Variants in BICC1 observed in about 807,000 individuals in gnomAD.
BICC1 encodes BicC family RNA binding protein 1, also known as protein bicaudal C homolog 1.
BICC1 carries 43 observed loss-of-function variants against 111.0 expected under a neutral mutation model. The observed-to-expected ratio is 0.39, with a 90% CI of 0.30 to 0.50. The LOEUF (loss-of-function observed/expected upper bound fraction) is 0.50, where lower values mean the gene tolerates loss of function less well. BICC1 is among the 20% of genes least tolerant of loss of function. The pLI is 0.88. For missense variants in BICC1, 1,091 were observed against 1,203.2 expected, an observed-to-expected ratio of 0.91 and a Z score of 1.38; for synonymous variants, 467 against 434.4, an observed-to-expected ratio of 1.07 and a Z score of -0.93.
At chr10:58,549,046 A>C (rs916128959) in intron 1 of BICC1, among the ~76,000 whole-genome samples, 1 of 151,840 alleles carries the variant, frequency 6.6e-6, no homozygotes, top group South Asian at 2.1e-4. Flanking sequence ...GGGTTTTGCC[A>C]TGTTGCTCAG....
chr10:58,771,389 G>A (rs934745796), intron 3 of BICC1, among the ~76,000 whole-genome samples: 5 of 152,168 alleles, frequency 3.3e-5, no homozygotes, highest in African/African-American at 1.2e-4. Context: ...TGTTTTGTGA[G>A]GGGTATAAAA....
chr10:58,724,038 C>G (rs1226769283), intron 3 of BICC1, among the ~76,000 whole-genome samples: 1 of 152,042 alleles, frequency 6.6e-6, no homozygotes, highest in Non-Finnish European at 1.5e-5. Context: ...GACTTTAAGA[C>G]TTTGAGCAGC....
intron 10 of BICC1, among the ~76,000 whole-genome samples, chr10:58,797,986 A>G (rs1367634417): frequency 6.6e-6 from 1 of 152,218 alleles, no homozygotes; most frequent in Non-Finnish European, 1.5e-5. Flanking sequence ...AGCATTCCCT[A>G]GTCGCTGCTA....
At chr10:58,820,591 C>T in intron 20 of BICC1, 123 bp downstream of exon 20, 1 of 664,302 alleles carries the variant, frequency 1.5e-6, no homozygotes. Context: ...GTTGTGGTTT[C>T]AGAGGGTTTT....
At chr10:58,517,336 G>T (rs1453630398) in intron 1 of BICC1, among the ~76,000 whole-genome samples, 1 of 152,168 alleles carries the variant, frequency 6.6e-6, no homozygotes, top group East Asian at 1.9e-4. Context: ...GCTCGGTTGA[G>T]TAGCAGAGTT....
intron 15 of BICC1, among the ~76,000 whole-genome samples, chr10:58,804,748 G>C (rs935257702): frequency 9.9e-5 from 15 of 152,002 alleles, no homozygotes; most frequent in African/African-American, 3.6e-4. Flanking sequence ...CTTAATGTTT[G>C]AGTTTCAGCC....
intron 2 of BICC1, among the ~76,000 whole-genome samples, chr10:58,692,615 C>A (rs925116427): frequency 6.6e-6 from 1 of 152,138 alleles, no homozygotes; most frequent in African/African-American, 2.4e-5. Context: ...CGTATTATTT[C>A]TTTGTAAAAA....
At chr10:58,610,348 G>T (rs368469610) in intron 1 of BICC1, among the ~76,000 whole-genome samples, 1 of 152,076 alleles carries the variant, frequency 6.6e-6, no homozygotes. Context: ...GCAGGAAAAA[G>T]ATTTTACATG....
chr10:58,802,168 T>C (rs1843567271), intron 14 of BICC1, among the ~76,000 whole-genome samples: 2 of 152,212 alleles, frequency 1.3e-5, no homozygotes, highest in Non-Finnish European at 2.9e-5. Context: ...CTTATGCTCT[T>C]CCCTCTGAGT....
chr10:58,597,755 G>A lies in BICC1; in HGVS notation c.191-23100G>A, dbSNP rs182360715. ...TTCCTTGCTAGGAAAAGAATTTAGC[G>A]ATACCTCTCCTACTTGCACATCCGT... On this transcript the variant is annotated intron_variant, in intron 1 of 20. Transcript: ENST00000373886. Among the ~76,000 whole-genome samples the A allele has an allele frequency of 2.2e-4, 33 of 152,130 alleles. No individual in the cohort carries two copies. In the East Asian group the frequency reaches 5.4e-3, roughly 25 times the overall value.
chr10:58,633,874 A>G (rs1223229539), intron 2 of BICC1, among the ~76,000 whole-genome samples: 1 of 152,182 alleles, frequency 6.6e-6, no homozygotes, highest in East Asian at 1.9e-4. Flanking sequence ...CCACCAGTAT[A>G]TTGATGAACA....
intron 1 of BICC1, among the ~76,000 whole-genome samples, chr10:58,523,967 G>A (rs1484043277): frequency 3.3e-5 from 5 of 152,018 alleles, no homozygotes; most frequent in African/African-American, 9.7e-5. Context: ...CAAAGAGAAT[G>A]AAATACCTAG....
chr10:58,523,483 G>A (rs1394943566), intron 1 of BICC1, among the ~76,000 whole-genome samples: 1 of 152,098 alleles, frequency 6.6e-6, no homozygotes, highest in African/African-American at 2.4e-5. Context: ...TGCAGAAAAG[G>A]CCTTTGACAA....
At chr10:58,719,895 A>C (rs1304831662) in intron 3 of BICC1, among the ~76,000 whole-genome samples, 2 of 152,242 alleles carry the variant, frequency 1.3e-5, no homozygotes, top group Non-Finnish European at 2.9e-5. Context: ...TCCCAACTGA[A>C]CATAAATACC....
intron 1 of BICC1, among the ~76,000 whole-genome samples, chr10:58,558,758 G>A (rs544296821): frequency 6.6e-6 from 1 of 152,136 alleles, no homozygotes; most frequent in Admixed American, 6.6e-5. Flanking sequence ...CTGGAGCCTG[G>A]GAAGTCCAAG....
intron 3 of BICC1, among the ~76,000 whole-genome samples, chr10:58,769,376 ATGTGTGTGTGTG>A (rs71006205): frequency 2.7e-5 from 2 of 73,324 alleles, no homozygotes; most frequent in Non-Finnish European, 6.3e-5. Context: ...TTTATAATGT[ATGTGTGTGTGTG>A]TGTGTGTGTG....
At chr10:58,594,386 A>T (rs1424448863) in intron 1 of BICC1, among the ~76,000 whole-genome samples, 1 of 152,148 alleles carries the variant, frequency 6.6e-6, no homozygotes, top group Non-Finnish European at 1.5e-5. Context: ...CACCATAAAG[A>T]TACTCCTTGA....
At chr10:58,581,294 TAA>T (rs1246267921) in intron 1 of BICC1, among the ~76,000 whole-genome samples, 1 of 152,158 alleles carries the variant, frequency 6.6e-6, no homozygotes, top group Non-Finnish European at 1.5e-5. Context: ...CCACAAAAAT[TAA>T]GTGGTAATAG....
chr10:58,713,517 A>G (rs1277546583), intron 3 of BICC1, among the ~76,000 whole-genome samples: 3 of 152,224 alleles, frequency 2.0e-5, no homozygotes, highest in African/African-American at 7.2e-5. Context: ...AATGTGAAAG[A>G]TGATATAATT....
Sources: allele counts gnomAD v4.1 joint callset (sites outside exome capture counted in the v4.1 genomes callset), GRCh38; gene constraint gnomAD v4.1.1; transcripts MANE v1.5; gene names NCBI Gene and HGNC (gene_info 2026-07-23, HGNC 2026-07-21).